The following CD274 variants were observed in gnomAD, a reference collection of about 807,000 sequenced individuals.
CD274 encodes the protein CD274 molecule.
Under a neutral mutation model 30.1 loss-of-function variants are expected in CD274, and 8 were observed. The observed-to-expected ratio is 0.27, with a 90% confidence interval of 0.16 to 0.48. The LOEUF is 0.48. Ranked by LOEUF, CD274 falls within the 20% of genes least tolerant of loss-of-function variation. The probability of loss-of-function intolerance (pLI) is 0.99; values close to 1 mark genes in which losing one functional copy is unlikely to be tolerated. For missense variants in CD274, 353 were observed against 346.6 expected, an observed-to-expected ratio of 1.02 and a Z score of -0.15; for synonymous variants, 152 against 124.6, an observed-to-expected ratio of 1.22 and a Z score of -1.46.
intron 2 of CD274, among the ~76,000 whole-genome samples, chr9:5,456,461 CATTT>C (rs1230212907): frequency 2.0e-5 from 3 of 152,212 alleles, no homozygotes; most frequent in African/African-American, 7.2e-5. Context: ...TGTATGTATA[CATTT>C]ATTTGTTTGC....
At chr9:5,453,947 A>G (rs186683393) in intron 1 of CD274, among the ~76,000 whole-genome samples, 168 of 152,292 alleles carry the variant, frequency 1.1e-3, no homozygotes, top group Non-Finnish European at 1.3e-3. Flanking sequence ...GCATCACCAG[A>G]TGCTCCCTGG....
chr9:5,464,987 T>C (rs983587174), intron 4 of CD274, among the ~76,000 whole-genome samples: 79 of 151,184 alleles, frequency 5.2e-4, no homozygotes, highest in African/African-American at 1.8e-3. Flanking sequence ...CTCGGGAGAC[T>C]GAGGCACAAG....
rs1314957482 is a variant in CD274, at chr9:5,457,136, C to T, written c.110C>T (p.Thr37Ile). The change falls in exon 3 of 7, where the codon ACA becomes ATA. Residue 37 changes from threonine to isoleucine, a missense_variant. Transcript: ENST00000381577. ...GTGGTAGAGTATGGTAGCAATATGA[C>T]AATTGAATGCAAATTCCCAGTAGAA... ...LYVVEYGSNM[T>I]IECKFPVEKQ... The T allele has an allele frequency of 1.9e-6, 3 of 1,613,978 alleles. No individual in the cohort carries two copies. In the South Asian group the frequency reaches 3.3e-5, roughly 18 times the overall value.
At position 5,468,269 on chromosome 9, in the gene CD274, A is replaced by G. The variant is rs1410401712; in HGVS notation, c.*407A>G. On this transcript the variant is annotated 3_prime_UTR_variant, in exon 7 of 7. Coordinates refer to ENST00000381577, the MANE Select transcript of CD274 (RefSeq NM_014143.4). The stretch of plus-strand genomic sequence containing the variant: ...AATGCCTCAATTTGTTTTCTGCATG[A>G]CTGAGAGTCTCAGTGTTGGAACGGG... The G allele has an allele frequency of 7.2e-6, 2 of 276,820 alleles. No individual in the cohort carries two copies. Among genetic ancestry groups the G allele is most frequent in the East Asian group, 5.5e-5 (1 of 18,322 alleles). The allele number at this position is 276,820 out of a possible 1,614,324, so 17.1% of individuals were successfully genotyped here. A position where few individuals can be genotyped will look rare whatever the true frequency, so the allele number is the denominator to read the frequency against.
chr9:5,455,254 C>T (rs1211461634), intron 1 of CD274, among the ~76,000 whole-genome samples: 1 of 152,158 alleles, frequency 6.6e-6, no homozygotes, highest in African/African-American at 2.4e-5. Context: ...CCTACTTCAA[C>T]ATAAACTGCA....
chr9:5,467,808 C>T (rs2131235385), intron 6 of CD274, 32 bp from the exon 7 acceptor site: 2 of 1,578,908 alleles, frequency 1.3e-6, no homozygotes, highest in Middle Eastern at 1.7e-4. Flanking sequence ...GACCACTTCC[C>T]ATGAAATTAA....
chr9:5,466,687 A>G, intron 5 of CD274, 83 bp from the exon 6 acceptor site: 1 of 1,015,962 alleles, frequency 9.8e-7, no homozygotes, highest in Non-Finnish European at 1.5e-6. Flanking sequence ...AATGTTTCAC[A>G]GAACTTGAAA....
Position 5,457,249 on chromosome 9 carries a change from A to C in CD274, c.223A>C (p.Lys75Gln). The C allele has an allele frequency of 6.2e-7, 1 of 1,614,102 alleles. No individual in the cohort carries two copies. The highest frequency in any genetic ancestry group is 8.5e-7 in the Non-Finnish European group (1 of 1,179,996). Residue 75 changes from lysine (K) to glutamine (Q), a missense_variant, in exon 3 of 7, where the codon AAG (lysine) becomes CAG (glutamine). By Grantham distance (53) the Lys-to-Gln change is moderately conservative. Transcript: ENST00000381577. Reference sequence around the variant, plus strand: ...ATTTGTGCATGGAGAGGAAGACCTGAAGGTTCAGCATAGTAGCTACAGACA... The same window carrying C: ...ATTTGTGCATGGAGAGGAAGACCTGCAGGTTCAGCATAGTAGCTACAGACA... ...IQFVHGEEDLKVQHSSYRQRA... is the reference protein window; with the variant it reads ...IQFVHGEEDLQVQHSSYRQRA...
chr9:5,465,544 T>C lies in CD274; in HGVS notation c.728T>C (p.Ile243Thr). The C allele has an allele frequency of 6.2e-7, 1 of 1,612,728 alleles. No homozygotes were observed. Among genetic ancestry groups the C allele is most frequent in the Non-Finnish European group, 8.5e-7 (1 of 1,178,756 alleles). The part of the protein sequence containing the change: ...HPPNERTHLV[I>T]LGAILLCLGV... ...CCAAATGAAAGGACTCACTTGGTAA[T>C]TCTGGGAGCCATCTTATTATGCCTT... is the stretch of plus-strand genomic sequence containing the variant. Residue 243 changes from isoleucine to threonine, a missense_variant, in exon 5 of 7, where the codon ATT becomes ACT. Coordinates refer to ENST00000381577, the MANE Select transcript of CD274 (RefSeq NM_014143.4).
At chr9:5,455,137 A>C (rs1231770769) in intron 1 of CD274, among the ~76,000 whole-genome samples, 1 of 148,960 alleles carries the variant, frequency 6.7e-6, no homozygotes, top group Non-Finnish European at 1.5e-5. Context: ...AAGAGGGAAA[A>C]CTTACCTCTT....
intron 3 of CD274, among the ~76,000 whole-genome samples, chr9:5,461,527 G>T (rs1175805919): frequency 6.6e-6 from 1 of 151,932 alleles, no homozygotes; most frequent in East Asian, 1.9e-4. Flanking sequence ...TTTGATCCTA[G>T]CCGTTTTGTA....
chr9:5,452,104 C>T (rs893918081), intron 1 of CD274, among the ~76,000 whole-genome samples: 2 of 148,244 alleles, frequency 1.3e-5, no homozygotes, highest in Admixed American at 6.8e-5. Context: ...CAGCTCACTG[C>T]CTCCCGGGTT....
At position 5,457,109 on chromosome 9, in the gene CD274, A is replaced by T. The variant is rs1299227177; in HGVS notation, c.83A>T (p.Tyr28Phe). The T allele has an allele frequency of 1.7e-5, 28 of 1,613,268 alleles. No individual in the cohort carries two copies. Among genetic ancestry groups the T allele is most frequent in the Non-Finnish European group, 2.2e-5 (26 of 1,179,392 alleles). ...ACTGTCACGGTTCCCAAGGACCTAT[A>T]TGTGGTAGAGTATGGTAGCAATATG... The part of the protein sequence containing the change: ...AFTVTVPKDL[Y>F]VVEYGSNMTI... The change falls in exon 3 of 7, where the codon TAT becomes TTT. Residue 28 changes from tyrosine to phenylalanine, a missense_variant. Tyr to Phe is a conservative substitution (Grantham distance 22). Coordinates refer to ENST00000381577, the MANE Select transcript of CD274 (RefSeq NM_014143.4).
At chr9:5,457,506 C>A in intron 3 of CD274, 86 bp downstream of exon 3, 1 of 1,059,690 alleles carries the variant, frequency 9.4e-7, no homozygotes, top group Non-Finnish European at 1.4e-6. Flanking sequence ...TAAGTCCATA[C>A]TTATTTTCAA....
At chr9:5,455,901 T>A (rs1300170958) in intron 1 of CD274, among the ~76,000 whole-genome samples, 199 bp from the exon 2 acceptor site, 3 of 152,194 alleles carry the variant, frequency 2.0e-5, no homozygotes, top group African/African-American at 4.8e-5. Context: ...GTAACTTTTT[T>A]CACTTAAGTT....
chr9:5,467,107 A>G (rs904127791), intron 6 of CD274, among the ~76,000 whole-genome samples: 1 of 152,102 alleles, frequency 6.6e-6, no homozygotes, highest in African/African-American at 2.4e-5. Context: ...TGGATAATTA[A>G]TTGATTCTAA....
intron 1 of CD274, among the ~76,000 whole-genome samples, chr9:5,451,856 T>TTTTTGTAGAGATG: frequency 6.6e-6 from 1 of 152,128 alleles, no homozygotes; most frequent in East Asian, 1.9e-4. Context: ...TTTTTTTTTG[T>TTTTTGTAGAGATG]TTTTGTAGAG....
At position 5,457,060 on chromosome 9, in the gene CD274, T is replaced by C. The variant is rs1270214180; in HGVS notation, c.53-19T>C. 1 of 1,547,526 alleles carries C rather than the reference T, an allele frequency of 6.5e-7. No individual in the cohort carries two copies. Among genetic ancestry groups the C allele is most frequent in the Non-Finnish European group, 8.9e-7 (1 of 1,129,826 alleles). On this transcript the variant is annotated intron_variant, in intron 2 of 6. Transcript: ENST00000381577. ...GAGGAATTTTCCCTTTTCTGAAGAT[T>C]GTCCTTCTTTCTTTTTAGCATTTAC...
intron 4 of CD274, among the ~76,000 whole-genome samples, chr9:5,465,267 G>C (rs972897234): frequency 6.6e-6 from 1 of 152,178 alleles, no homozygotes; most frequent in Non-Finnish European, 1.5e-5. Flanking sequence ...AACTGGTTAA[G>C]GGCAGCAGAA....
Sources: gnomAD v4.1 joint callset for allele counts (sites outside exome capture counted in the v4.1 genomes callset) on GRCh38, gnomAD v4.1.1 for gene constraint, MANE v1.5 for transcripts, NCBI Gene and HGNC (gene_info 2026-07-23, HGNC 2026-07-21) for gene names.